The following KANTR variants were observed in gnomAD, a reference collection of about 807,000 sequenced individuals.
The protein encoded by KANTR is KANTR integral membrane protein, also known as KDM5C adjacent transcript.
At chrX:53,102,098 C>G (rs781787884) in intron 2 of KANTR, among the ~76,000 whole-genome samples, 1 of 111,204 alleles carries the variant, frequency 9.0e-6, no homozygotes. Flanking sequence ...GACAGAGACA[C>G]TAAGTGAGCA....
At chrX:53,100,752 C>G (rs1019510405) in intron 2 of KANTR, among the ~76,000 whole-genome samples, 1 of 110,214 alleles carries the variant, frequency 9.1e-6, no homozygotes, top group Non-Finnish European at 1.9e-5. Context: ...GAGCCGAGAT[C>G]GCACCACTGC....
downstream of KANTR, chrX:53,143,456 A>G (rs1376394807): frequency 9.9e-5 from 59 of 595,170 alleles, no homozygotes; most frequent in African/African-American, 8.2e-4. Flanking sequence ...TCCAGAGTCC[A>G]TGACAGTGCC....
At chrX:53,132,349 A>C (rs1933369503), downstream of KANTR, among the ~76,000 whole-genome samples, 1 of 111,915 alleles carries the variant, frequency 8.9e-6, no homozygotes, top group African/African-American at 3.3e-5. Flanking sequence ...AGTGGAGCAC[A>C]TGTAGAGAGG....
At chrX:53,140,469 C>T (rs189292588) in intron 2 of KANTR, among the ~76,000 whole-genome samples, 1 of 103,037 alleles carries the variant, frequency 9.7e-6, no homozygotes, top group Admixed American at 1.0e-4. Context: ...CTACTGCCCT[C>T]CAGCCTGGGT....
At chrX:53,098,788 C>T (rs891275269) in intron 1 of KANTR, among the ~76,000 whole-genome samples, 4 of 110,177 alleles carry the variant, frequency 3.6e-5, no homozygotes, top group Admixed American at 2.0e-4. Context: ...TGTAGTGGCG[C>T]GATCACGGCT....
At chrX:53,125,357 T>C (rs1334558466) in exon 3 of KANTR, 2 of 111,410 alleles carry the variant, frequency 1.8e-5, no homozygotes, top group African/African-American at 6.5e-5. Flanking sequence ...TCTGATTATC[T>C]CTTTTGGTTG....
At chrX:53,138,961 TCTC>T (rs1933462773) in intron 2 of KANTR, among the ~76,000 whole-genome samples, 1 of 110,414 alleles carries the variant, frequency 9.1e-6, no homozygotes, top group Non-Finnish European at 1.9e-5. Flanking sequence ...ACGCCTGTAA[TCTC>T]AGCGCTTTGG....
intron 2 of KANTR, among the ~76,000 whole-genome samples, chrX:53,114,148 G>T (rs1933088555): frequency 9.0e-6 from 1 of 111,629 alleles, no homozygotes; most frequent in African/African-American, 3.3e-5. Flanking sequence ...CAATCCACCT[G>T]CCTGCCTCGG....
At chrX:53,112,974 C>A in intron 2 of KANTR, 1 of 120,643 alleles carries the variant, frequency 8.3e-6, no homozygotes, top group Non-Finnish European at 1.8e-5. Context: ...TTCACAGATT[C>A]TTTTTTCTGC....
At chrX:53,147,440 C>T (rs1332801982), downstream of KANTR, among the ~76,000 whole-genome samples, 1 of 111,404 alleles carries the variant, frequency 9.0e-6, no homozygotes, top group African/African-American at 3.3e-5. Context: ...TATATGCACC[C>T]AATACAAGAG....
At chrX:53,104,427 A>G (rs1932922546) in intron 2 of KANTR, among the ~76,000 whole-genome samples, 1 of 109,484 alleles carries the variant, frequency 9.1e-6, no homozygotes, top group African/African-American at 3.3e-5. Flanking sequence ...GGGTTTTGCC[A>G]TGTTGGCCAG....
At chrX:53,127,417 A>G (rs1280362593) in exon 3 of KANTR, 2 of 112,262 alleles carry the variant, frequency 1.8e-5, no homozygotes, top group Non-Finnish European at 3.8e-5. Context: ...ATACTCAATA[A>G]ATATTTGTGG....
At chrX:53,118,756 G>A (rs1933172160) in intron 2 of KANTR, among the ~76,000 whole-genome samples, 1 of 46,064 alleles carries the variant, frequency 2.2e-5, no homozygotes, top group South Asian at 1.4e-3. Context: ...ACTAGACTCT[G>A]TCTCAAAAAA....
chrX:53,108,240 C>T lies in KANTR; in HGVS notation c.-805+8632C>T, dbSNP rs1308674077. On this transcript the variant is annotated intron_variant, in intron 2 of 2. Coordinates refer to ENST00000604062, the Ensembl canonical transcript of KANTR. ...TTTTTGAGACAGAGTCCCACTCTGT[C>T]ACCCAGGCTGGAGTGCAGTGGCGTG... Among the ~76,000 whole-genome samples the T allele has an allele frequency of 2.8e-5, 3 of 106,239 alleles. No homozygotes were observed. The Admixed American group carries it at 3.1e-4, about 11-fold the overall frequency. The allele number at this position is 106,239 out of a possible 115,157, so 92.3% of individuals were successfully genotyped here.
intron 2 of KANTR, among the ~76,000 whole-genome samples, chrX:53,133,674 A>T (rs1393163644): frequency 9.0e-6 from 1 of 111,631 alleles, no homozygotes; most frequent in East Asian, 2.8e-4. Flanking sequence ...GCTGTGATCT[A>T]CTATTGAGGG....
intron 2 of KANTR, among the ~76,000 whole-genome samples, chrX:53,114,739 C>CT (rs1389815935): frequency 9.0e-6 from 1 of 110,557 alleles, no homozygotes; most frequent in African/African-American, 3.3e-5. Flanking sequence ...TGACATGGTG[C>CT]TGAGGTGGAC....
downstream of KANTR, among the ~76,000 whole-genome samples, chrX:53,145,360 C>T (rs1298263823): frequency 8.9e-6 from 1 of 112,164 alleles, no homozygotes. Flanking sequence ...GATTATATCC[C>T]GCCCCTGGCT....
At chrX:53,107,469 AC>A (rs1932969992) in intron 2 of KANTR, among the ~76,000 whole-genome samples, 1 of 107,503 alleles carries the variant, frequency 9.3e-6, no homozygotes, top group Admixed American at 9.9e-5. Context: ...AAAAAAAAAA[AC>A]AGCTGAAATT....
At chrX:53,103,067 C>T (rs1196700167) in intron 2 of KANTR, among the ~76,000 whole-genome samples, 2 of 106,731 alleles carry the variant, frequency 1.9e-5, no homozygotes, top group Non-Finnish European at 3.9e-5. Context: ...TCACTGCAGC[C>T]TCCGCCTCCT....
Sources: gnomAD v4.1 joint callset for allele counts (sites outside exome capture counted in the v4.1 genomes callset) on GRCh38, gnomAD v4.1.1 for gene constraint, MANE v1.5 for transcripts, NCBI Gene and HGNC (gene_info 2026-07-23, HGNC 2026-07-21) for gene names.